The following PDE10A variants were observed in gnomAD, a reference collection of about 807,000 sequenced individuals.
The protein encoded by PDE10A is cAMP and cAMP-inhibited cGMP 3',5'-cyclic phosphodiesterase 10A.
A neutral mutation model predicts 97.7 loss-of-function variants in PDE10A; 39 were observed. That is an observed-to-expected ratio of 0.40 (90% CI 0.31 to 0.52). The LOEUF (loss-of-function observed/expected upper bound fraction) is 0.52. Among genes scored for constraint, PDE10A ranks in the 20% least tolerant of loss-of-function variants. The pLI, the probability that PDE10A is intolerant of heterozygous loss-of-function variation, is 0.56. For synonymous variants in PDE10A, 371 were observed against 376.8 expected (o/e 0.98, Z 0.18); for missense variants, 731 against 1,047.8 (o/e 0.70, Z 4.17).
At chr6:165,926,173 A>G (rs970422059) in intron 1 of PDE10A, among the ~76,000 whole-genome samples, 4 of 152,234 alleles carry the variant, frequency 2.6e-5, no homozygotes, top group Admixed American at 2.0e-4. Flanking sequence ...ATGAAGTACC[A>G]GCAATAGTGG....
intron 1 of PDE10A, among the ~76,000 whole-genome samples, chr6:165,954,231 T>C (rs965722566): frequency 6.6e-6 from 1 of 152,222 alleles, no homozygotes; most frequent in African/African-American, 2.4e-5. Context: ...CAGATTTTTG[T>C]ATGGAAAGAT....
chr6:165,602,320 C>T (rs1369653464), intron 1 of PDE10A, among the ~76,000 whole-genome samples: 1 of 152,170 alleles, frequency 6.6e-6, no homozygotes, highest in Non-Finnish European at 1.5e-5. Flanking sequence ...CAACCAAGAG[C>T]CCTAGGAGGC....
At chr6:165,888,213 G>A (rs753643148) in intron 1 of PDE10A, among the ~76,000 whole-genome samples, 2 of 151,926 alleles carry the variant, frequency 1.3e-5, no homozygotes, top group African/African-American at 2.4e-5. Context: ...CCACACACCT[G>A]GCTTTACCTT....
intron 1 of PDE10A, among the ~76,000 whole-genome samples, chr6:165,763,806 G>A (rs1793308734): frequency 6.6e-6 from 1 of 152,214 alleles, no homozygotes; most frequent in Non-Finnish European, 1.5e-5. Context: ...TAGCCTGTGA[G>A]CAACCAGCAT....
intron 18 of PDE10A, among the ~76,000 whole-genome samples, chr6:165,350,597 G>T (rs1583089762): frequency 1.3e-5 from 2 of 152,244 alleles, no homozygotes; most frequent in South Asian, 2.1e-4. Context: ...GAGGATATGA[G>T]ATCTGGAAGG....
At position 165,904,379 on chromosome 6, in the gene PDE10A, G is replaced by C. The variant is rs375359557; in HGVS notation, c.-615+83150C>G. 3.3e-5 allele frequency among the ~76,000 whole-genome samples: 5 copies of C among 152,226 alleles called. No individual in the cohort carries two copies. In the South Asian group the frequency reaches 1.0e-3, roughly 32 times the overall value. Reference sequence around the variant, plus strand: ...AAGAGACAAGGAAGTCTCTATGATTGATCTTATTTTTGCAATGAACAATGA... The same window carrying C: ...AAGAGACAAGGAAGTCTCTATGATTCATCTTATTTTTGCAATGAACAATGA... On this transcript the variant is annotated intron_variant, in intron 1 of 19. Coordinates refer to the PDE10A transcript ENST00000366882.
chr6:165,811,985 T>A (rs935294352), intron 1 of PDE10A, among the ~76,000 whole-genome samples: 12 of 152,152 alleles, frequency 7.9e-5, no homozygotes, highest in African/African-American at 2.9e-4. Context: ...CCCGAGTAGC[T>A]GGGATTACAG....
intron 2 of PDE10A, among the ~76,000 whole-genome samples, chr6:165,513,675 A>G (rs1339085454): frequency 6.6e-6 from 1 of 152,016 alleles, no homozygotes; most frequent in Admixed American, 6.6e-5. Flanking sequence ...GTCTTCATTC[A>G]TTTCGATTTT....
chr6:165,658,503 G>A (rs1790076042), intron 1 of PDE10A, among the ~76,000 whole-genome samples: 1 of 152,154 alleles, frequency 6.6e-6, no homozygotes, highest in South Asian at 2.1e-4. Flanking sequence ...AGAGGTGCGG[G>A]CGTATTTGTG....
At chr6:165,542,966 A>G (rs1345946431) in intron 2 of PDE10A, among the ~76,000 whole-genome samples, 1 of 152,112 alleles carries the variant, frequency 6.6e-6, no homozygotes. Flanking sequence ...AATCTTCTAG[A>G]GTCTGAGTGT....
chr6:165,981,289 T>A (rs548460564), intron 1 of PDE10A, among the ~76,000 whole-genome samples: 94 of 152,248 alleles, frequency 6.2e-4, no homozygotes, highest in Non-Finnish European at 1.0e-3. Context: ...TTAGGTAACT[T>A]CCTCTCCCCA....
chr6:165,689,947 A>G (rs1009377623), intron 1 of PDE10A, among the ~76,000 whole-genome samples: 1 of 152,204 alleles, frequency 6.6e-6, no homozygotes, highest in African/African-American at 2.4e-5. Flanking sequence ...TGAGTCACTC[A>G]TAGCTTTCCC....
chr6:165,421,238 T>C (rs1044011514), intron 10 of PDE10A, among the ~76,000 whole-genome samples: 4 of 152,090 alleles, frequency 2.6e-5, no homozygotes, highest in Non-Finnish European at 5.9e-5. Flanking sequence ...GCCCAGGAGT[T>C]TGAGACCAGC....
intron 4 of PDE10A, among the ~76,000 whole-genome samples, chr6:165,450,026 C>G (rs902747728): frequency 6.6e-6 from 1 of 152,168 alleles, no homozygotes; most frequent in South Asian, 2.1e-4. Context: ...CTGTATATAT[C>G]AGGCAGATAC....
At chr6:165,501,465 C>T (rs1780880975) in intron 2 of PDE10A, among the ~76,000 whole-genome samples, 1 of 151,666 alleles carries the variant, frequency 6.6e-6, no homozygotes, top group South Asian at 2.1e-4. Context: ...GGAGGCTACT[C>T]GGGAGGCTGA....
chr6:165,961,970 T>A (rs1240752985), intron 1 of PDE10A, among the ~76,000 whole-genome samples: 1 of 152,206 alleles, frequency 6.6e-6, no homozygotes, highest in Non-Finnish European at 1.5e-5. Context: ...AATCCCTACC[T>A]AGGCACTTTG....
At chr6:165,904,542 T>C (rs1177986126) in intron 1 of PDE10A, among the ~76,000 whole-genome samples, 3 of 152,234 alleles carry the variant, frequency 2.0e-5, no homozygotes, top group Non-Finnish European at 4.4e-5. Flanking sequence ...ATTTTTTCTC[T>C]CTTTATGGTA....
At chr6:165,583,475 G>C (rs1785729280) in intron 1 of PDE10A, among the ~76,000 whole-genome samples, 1 of 152,194 alleles carries the variant, frequency 6.6e-6, no homozygotes, top group Admixed American at 6.5e-5. Context: ...GATCTTGAGA[G>C]GAGGAGTTTA....
intron 1 of PDE10A, among the ~76,000 whole-genome samples, chr6:165,694,906 T>G (rs1791404266): frequency 6.6e-6 from 1 of 152,178 alleles, no homozygotes; most frequent in African/African-American, 2.4e-5. Flanking sequence ...GTTTTCAGCT[T>G]CCTCATGTCT....
Sources: gnomAD v4.1 joint callset for allele counts (sites outside exome capture counted in the v4.1 genomes callset) on GRCh38, gnomAD v4.1.1 for gene constraint, MANE v1.5 for transcripts, NCBI Gene and HGNC (gene_info 2026-07-23, HGNC 2026-07-21) for gene names.